LPP: variants seen among roughly 807,000 people sequenced by gnomAD.
LPP encodes lipoma-preferred partner.
LPP carries 38 observed loss-of-function variants against 60.4 expected under a neutral mutation model. The observed-to-expected ratio is 0.63, with a 90% CI of 0.49 to 0.83. LPP has a LOEUF of 0.83. Ranked by LOEUF, LPP falls within the 40% of genes least tolerant of loss-of-function variation. LPP has a pLI of 0.00. For synonymous variants in LPP, 328 were observed against 290.8 expected (o/e 1.13, Z -1.30); for missense variants, 902 against 783.6 (o/e 1.15, Z -1.80).
At chr3:188,361,838 G>C (rs2150956647) in intron 3 of LPP, among the ~76,000 whole-genome samples, 1 of 152,274 alleles carries the variant, frequency 6.6e-6, no homozygotes, top group African/African-American at 2.4e-5. Context: ...AAAGTGTTGG[G>C]ATTACGGGCG....
intron 3 of LPP, among the ~76,000 whole-genome samples, chr3:188,377,610 A>T (rs537687471): frequency 1.4e-3 from 218 of 151,738 alleles, no homozygotes; most frequent in African/African-American, 5.0e-3. Flanking sequence ...CATTCGTCTA[A>T]TTTTTTTTCA....
At chr3:188,717,142 G>C (rs1714341696) in intron 8 of LPP, among the ~76,000 whole-genome samples, 1 of 152,230 alleles carries the variant, frequency 6.6e-6, no homozygotes, top group Non-Finnish European at 1.5e-5. Context: ...AAGCAGGTAA[G>C]TAGCAGAATT....
intron 4 of LPP, among the ~76,000 whole-genome samples, chr3:188,470,032 C>A (rs1801424700): frequency 6.6e-6 from 1 of 152,162 alleles, no homozygotes; most frequent in South Asian, 2.1e-4. Flanking sequence ...AAGGTAAGTG[C>A]TGTTGCTCTC....
At position 188,866,301 on chromosome 3, in the gene LPP, G is replaced by C. The variant is rs751158740; in HGVS notation, c.1512G>C (p.Met504Ile). ...AYHPHCFTCV[M>I]CHRSLDGIPF... ...ATCCTCACTGTTTCACCTGCGTGAT[G>C]TGCCACCGCAGCCTGGATGGGATCC... is the stretch of plus-strand genomic sequence containing the variant. Residue 504 changes from methionine to isoleucine, a missense_variant, in exon 10 of 12, where the codon ATG (methionine) becomes ATC (isoleucine). Met to Ile is a conservative substitution (Grantham distance 10). Coordinates refer to ENST00000617246, the MANE Select transcript of LPP (RefSeq NM_001375462.1). The C allele has an allele frequency of 6.3e-7, 1 of 1,591,036 alleles. No individual in the cohort carries two copies. Among genetic ancestry groups the C allele is most frequent in the African/African-American group, 1.4e-5 (1 of 74,070 alleles).
At chr3:188,724,489 A>G (rs990679994) in intron 8 of LPP, among the ~76,000 whole-genome samples, 13 of 152,216 alleles carry the variant, frequency 8.5e-5, no homozygotes, top group Non-Finnish European at 1.8e-4. Context: ...AAATACAGGT[A>G]CACCATCTCT....
chr3:188,696,398 C>T (rs745373272), intron 7 of LPP, among the ~76,000 whole-genome samples: 9 of 151,986 alleles, frequency 5.9e-5, no homozygotes, highest in Non-Finnish European at 8.8e-5. Flanking sequence ...TTTGGGATGC[C>T]GAGGCGGGCA....
intron 4 of LPP, among the ~76,000 whole-genome samples, chr3:188,463,817 T>C (rs1438709603): frequency 2.0e-5 from 3 of 152,164 alleles, no homozygotes; most frequent in Non-Finnish European, 4.4e-5. Context: ...GTCTGTTCGG[T>C]ACTAGGATCT....
chr3:188,631,698 A>T (rs2148526806), intron 7 of LPP, among the ~76,000 whole-genome samples: 1 of 152,278 alleles, frequency 6.6e-6, no homozygotes. Context: ...CACATTAATG[A>T]CACGTGACTT....
At chr3:188,187,882 C>G (rs1727058106) in intron 1 of LPP, among the ~76,000 whole-genome samples, 1 of 151,946 alleles carries the variant, frequency 6.6e-6, no homozygotes, top group South Asian at 2.1e-4. Context: ...TTTTTTAATA[C>G]CAGGCAGTTT....
chr3:188,314,011 A>C (rs1026183287), intron 2 of LPP, among the ~76,000 whole-genome samples: 3 of 152,164 alleles, frequency 2.0e-5, no homozygotes, highest in Non-Finnish European at 4.4e-5. Flanking sequence ...TATTTGAATA[A>C]TTTTAGATAA....
At chr3:188,332,830 G>A (rs892935092) in intron 2 of LPP, among the ~76,000 whole-genome samples, 10 of 152,150 alleles carry the variant, frequency 6.6e-5, no homozygotes, top group African/African-American at 2.4e-4. Flanking sequence ...TTAGGGCTTG[G>A]TTTTGTTTGA....
chr3:188,488,593 T>G (rs1280863520), intron 5 of LPP, among the ~76,000 whole-genome samples: 3 of 152,080 alleles, frequency 2.0e-5, no homozygotes, highest in Non-Finnish European at 4.4e-5. Context: ...TTTAATGCTC[T>G]GAGTCTCAGC....
At chr3:188,449,962 G>A (rs911198863) in intron 4 of LPP, among the ~76,000 whole-genome samples, 1 of 151,892 alleles carries the variant, frequency 6.6e-6, no homozygotes, top group African/African-American at 2.4e-5. Context: ...GCACCACCAC[G>A]CCTGGCTAAT....
chr3:188,805,146 C>G (rs1400588595), intron 9 of LPP, among the ~76,000 whole-genome samples: 1 of 151,962 alleles, frequency 6.6e-6, no homozygotes, highest in East Asian at 1.9e-4. Flanking sequence ...GTATACTAAA[C>G]TGTGGTTTTC....
At chr3:188,314,704 C>T (rs1754524565) in intron 2 of LPP, among the ~76,000 whole-genome samples, 2 of 151,982 alleles carry the variant, frequency 1.3e-5, no homozygotes, top group Admixed American at 1.3e-4. Flanking sequence ...GCCTGTAATC[C>T]CAGCTACTCG....
chr3:188,277,192 C>G (rs1740268097), intron 2 of LPP, among the ~76,000 whole-genome samples: 1 of 152,100 alleles, frequency 6.6e-6, no homozygotes, highest in Non-Finnish European at 1.5e-5. Flanking sequence ...GCATGAGCCA[C>G]CTCACCTGGC....
chr3:188,486,456 A>AG (rs913259768), intron 5 of LPP, among the ~76,000 whole-genome samples: 1 of 152,142 alleles, frequency 6.6e-6, no homozygotes, highest in African/African-American at 2.4e-5. Flanking sequence ...GGAAACAGGG[A>AG]GGGGGTCAAG....
rs114285506 is a variant in LPP, at chr3:188,840,723, C to T, written c.1411-25477C>T. Among the ~76,000 whole-genome samples the T allele has an allele frequency of 5.3e-3, 805 of 152,206 alleles. 4 individuals are homozygous for T. The highest frequency in any genetic ancestry group is 9.2e-3 in the Non-Finnish European group (626 of 68,014). On this transcript the variant is annotated intron_variant, in intron 9 of 11. Coordinates refer to ENST00000617246, the MANE Select transcript of LPP (RefSeq NM_001375462.1). ...TTATGTTGCCCAGCCTGGTTTTGAACTCCTGGCCACAAGCATTATTATTAT... is the reference window on the plus strand; with the variant it reads ...TTATGTTGCCCAGCCTGGTTTTGAATTCCTGGCCACAAGCATTATTATTAT...
intron 9 of LPP, among the ~76,000 whole-genome samples, chr3:188,816,618 T>C (rs1051499420): frequency 2.0e-5 from 3 of 152,192 alleles, no homozygotes; most frequent in African/African-American, 7.2e-5. Context: ...ATTGAGTCAG[T>C]GCATCCTCCT....
Sources: allele counts gnomAD v4.1 joint callset (sites outside exome capture counted in the v4.1 genomes callset), GRCh38; gene constraint gnomAD v4.1.1; transcripts MANE v1.5; gene names NCBI Gene and HGNC (gene_info 2026-07-23, HGNC 2026-07-21).